PITPNM2: variants seen among roughly 807,000 people sequenced by gnomAD.
The protein encoded by PITPNM2 is membrane-associated phosphatidylinositol transfer protein 2.
PITPNM2 carries 35 observed loss-of-function variants against 132.2 expected under a neutral mutation model. That is an observed-to-expected ratio of 0.26 (90% CI 0.20 to 0.35). The LOEUF (loss-of-function observed/expected upper bound fraction) is 0.35, where lower values mean the gene tolerates loss of function less well. Ranked by LOEUF, PITPNM2 falls within the 10% of genes least tolerant of loss-of-function variation. The pLI is 1.00. For synonymous variants in PITPNM2, 738 were observed against 799.2 expected, an observed-to-expected ratio of 0.92 and a Z score of 1.29; for missense variants, 1,332 against 1,912.0, an observed-to-expected ratio of 0.70 and a Z score of 5.66.
At chr12:123,102,352 T>C (rs1184757491) in intron 2 of PITPNM2, among the ~76,000 whole-genome samples, 1 of 152,222 alleles carries the variant, frequency 6.6e-6, no homozygotes, top group Non-Finnish European at 1.5e-5. Context: ...TGCAAGGACA[T>C]GCCCACCAGA....
chr12:123,044,654 C>A (rs1219252433), intron 2 of PITPNM2, among the ~76,000 whole-genome samples: 2 of 152,196 alleles, frequency 1.3e-5, no homozygotes, highest in Non-Finnish European at 2.9e-5. Context: ...TCTGGGCCAG[C>A]CTTCAAAACT....
chr12:123,012,836 G>A lies in PITPNM2; in HGVS notation c.294-102C>T, dbSNP rs74585472. ...CTGGGTAGGAGTGGAGCTGGTGAGC[G>A]GGCATGGAAGGAGGGTGGAGGGTAG... On this transcript the variant is annotated intron_variant, in intron 4 of 25. Coordinates refer to ENST00000320201, the MANE Select transcript of PITPNM2 (RefSeq NM_020845.3). 1,151 of 1,471,534 alleles carry A rather than the reference G, an allele frequency of 7.8e-4. 9 individuals carry two copies. The African/African-American group carries it at 0.011, about 14-fold the overall frequency. The allele number at this position is 1,471,534 out of a possible 1,614,324, so 91.2% of individuals were successfully genotyped here. A position where few individuals can be genotyped will look rare whatever the true frequency, so the allele number is the denominator to read the frequency against.
chr12:123,140,383 T>C (rs569541911), intron 1 of PITPNM2, among the ~76,000 whole-genome samples: 1 of 152,310 alleles, frequency 6.6e-6, no homozygotes, highest in African/African-American at 2.4e-5. Flanking sequence ...CCTGGCTTCC[T>C]GTTGCCCTAT....
At chr12:123,041,747 C>G (rs2040484938) in intron 2 of PITPNM2, among the ~76,000 whole-genome samples, 1 of 152,050 alleles carries the variant, frequency 6.6e-6, no homozygotes, top group Non-Finnish European at 1.5e-5. Flanking sequence ...AAAAAAAACA[C>G]ATACAGGTCT....
chr12:123,140,454 G>A (rs1298897008), intron 1 of PITPNM2, among the ~76,000 whole-genome samples: 1 of 152,180 alleles, frequency 6.6e-6, no homozygotes, highest in Non-Finnish European at 1.5e-5. Context: ...AAGGAAAAGA[G>A]CAAAAATGAG....
At chr12:123,081,568 G>A (rs1199932508) in intron 2 of PITPNM2, 1 of 152,230 alleles carries the variant, frequency 6.6e-6, no homozygotes, top group Non-Finnish European at 1.5e-5. Flanking sequence ...GGAGCGTCAG[G>A]ATGAGAATCC....
At chr12:123,119,544 G>C (rs921747525) in intron 1 of PITPNM2, among the ~76,000 whole-genome samples, 2 of 151,818 alleles carry the variant, frequency 1.3e-5, no homozygotes, top group Non-Finnish European at 2.9e-5. Context: ...TTTTTTAGTA[G>C]AGACAGGGTT....
At chr12:123,024,019 GA>G (rs1159342360) in intron 3 of PITPNM2, among the ~76,000 whole-genome samples, 1 of 152,202 alleles carries the variant, frequency 6.6e-6, no homozygotes, top group African/African-American at 2.4e-5. Flanking sequence ...CTCCAGAGGT[GA>G]AGTTGGCAGG....
At chr12:122,988,656 G>A in intron 19 of PITPNM2, 68 bp downstream of exon 19, 1 of 1,469,888 alleles carries the variant, frequency 6.8e-7, no homozygotes, top group Non-Finnish European at 9.2e-7. Flanking sequence ...CCCCTCGTCT[G>A]TGAAATGTGG....
At chr12:123,148,496 A>G (rs1166877620) in intron 1 of PITPNM2, among the ~76,000 whole-genome samples, 2 of 152,106 alleles carry the variant, frequency 1.3e-5, no homozygotes, top group African/African-American at 2.4e-5. Flanking sequence ...CACATCCTCT[A>G]TGACTGGTCT....
chr12:123,013,460 T>C (rs2039294998), intron 4 of PITPNM2, among the ~76,000 whole-genome samples: 1 of 152,198 alleles, frequency 6.6e-6, no homozygotes, highest in African/African-American at 2.4e-5. Context: ...GGGTCATCTG[T>C]TCTACCCTCA....
At chr12:123,094,078 T>C (rs1020628211) in intron 2 of PITPNM2, among the ~76,000 whole-genome samples, 24 of 152,198 alleles carry the variant, frequency 1.6e-4, no homozygotes, top group Non-Finnish European at 3.5e-4. Context: ...AGGGGCCACA[T>C]GGACACAAAG....
chr12:122,996,825 A>G lies in PITPNM2; in HGVS notation c.1558T>C (p.Ser520Pro). The G allele has an allele frequency of 6.2e-7, 1 of 1,600,618 alleles. No homozygotes were observed. The highest frequency in any genetic ancestry group is 8.5e-7 in the Non-Finnish European group (1 of 1,176,646). The change falls in exon 12 of 26, where the codon TCC becomes CCC. Residue 520 changes from serine to proline, a missense_variant. Physicochemically the swap from Ser to Pro is moderately conservative, Grantham distance 74. Transcript: ENST00000320201. ...PLAALPLLAT[S>P]SPQYQEAVAT... ...ACTGCCTCCTGGTACTGGGGGGAGG[A>G]GGTGGCCAGCAGGGGGAGGGCAGCC...
At chr12:123,034,327 T>A in intron 3 of PITPNM2, 186 bp downstream of exon 3, 2 of 567,542 alleles carry the variant, frequency 3.5e-6, no homozygotes, top group Non-Finnish European at 6.2e-6. Flanking sequence ...CGTGCGCCCA[T>A]GGTGTGCTCT....
chr12:122,994,564 C>T lies in PITPNM2; in HGVS notation c.2233+237G>A, dbSNP rs773329601. 6.6e-6 allele frequency among the ~76,000 whole-genome samples: 1 copy of T among 152,166 alleles called. No individual in the cohort carries two copies. Among genetic ancestry groups the T allele is most frequent in the Non-Finnish European group, 1.5e-5 (1 of 68,014 alleles). ...TCAGCTTGCCCATCTAGGGGTTGAC[C>T]CTCAGCATCCACAGGCACCCCGGAG... On this transcript the variant is annotated intron_variant, in intron 15 of 25. Transcript: ENST00000320201. This position sits in a 1 kb window ranked among gnomAD's most constrained non-coding sequence, Gnocchi z 5.4.
At position 122,987,437 on chromosome 12, in the gene PITPNM2, G is replaced by A. The variant is rs751298407; in HGVS notation, c.3264-7C>T. 6.2e-7 allele frequency: 1 copy of A among 1,613,626 alleles called. No individual in the cohort carries two copies. Among genetic ancestry groups the A allele is most frequent in the Admixed American group, 1.7e-5 (1 of 60,014 alleles). ...GGCAAACGTGTGGTCTCCCCTGGCA[G>A]GTGGTGGGGGTGCTCATCAGAACCA... On this transcript the variant is annotated splice_polypyrimidine_tract_variant and splice_region_variant and intron_variant, in intron 22 of 25. Transcript: ENST00000320201.
Position 123,005,950 on chromosome 12 carries a change from TA to T in PITPNM2, c.644-403del, listed in dbSNP as rs558800859. 0.027 allele frequency: 4,122 copies of T among 153,914 alleles called. 78 individuals carry two copies. Among genetic ancestry groups the T allele is most frequent in the Non-Finnish European group, 0.038 (2,696 of 71,168 alleles). 9.5% of individuals were successfully genotyped at this position (153,914 alleles called of 1,614,324 possible). ...CTGTCTCTATAAAAAAAAAAAAAATTAAAAAAAAAAATTAGCTGAGCATGCT... is the reference window on the plus strand; with the variant it reads ...CTGTCTCTATAAAAAAAAAAAAAATTAAAAAAAAAATTAGCTGAGCATGCT... On this transcript the variant is annotated intron_variant, in intron 6 of 25. Transcript: ENST00000320201. The surrounding 1 kb of genome is among the most constrained non-coding windows in gnomAD (Gnocchi z 6.2).
intron 1 of PITPNM2, among the ~76,000 whole-genome samples, chr12:123,124,866 T>G (rs1593028407): frequency 6.6e-6 from 1 of 152,356 alleles, no homozygotes; most frequent in East Asian, 1.9e-4. Flanking sequence ...TCTATGAGTT[T>G]GTAAGTTCCA....
At chr12:123,096,941 T>C (rs1023249447) in intron 2 of PITPNM2, among the ~76,000 whole-genome samples, 1 of 152,206 alleles carries the variant, frequency 6.6e-6, no homozygotes, top group African/African-American at 2.4e-5. Flanking sequence ...GCTGGACTGG[T>C]GCCACTGTGC....
Sources: allele counts gnomAD v4.1 joint callset (sites outside exome capture counted in the v4.1 genomes callset), GRCh38; gene constraint gnomAD v4.1.1; non-coding constraint Gnocchi (gnomAD v3.1); transcripts MANE v1.5; gene names NCBI Gene and HGNC (gene_info 2026-07-23, HGNC 2026-07-21).